The following GPR158 variants were observed in gnomAD, a reference collection of about 807,000 sequenced individuals.
GPR158 encodes metabotropic glycine receptor.
GPR158 carries 30 observed loss-of-function variants against 78.2 expected under a neutral mutation model. The observed-to-expected ratio is 0.38, with a 90% CI of 0.29 to 0.52. GPR158 has a LOEUF of 0.52. Ranked by LOEUF, GPR158 falls within the 20% of genes least tolerant of loss-of-function variation. The pLI, the probability that GPR158 is intolerant of heterozygous loss-of-function variation, is 0.83. For synonymous variants in GPR158, 581 were observed against 591.1 expected, an observed-to-expected ratio of 0.98 and a Z score of 0.25; for missense variants, 1,463 against 1,523.5, an observed-to-expected ratio of 0.96 and a Z score of 0.66.
chr10:25,345,552 G>A (rs912236501), intron 2 of GPR158, among the ~76,000 whole-genome samples: 9 of 151,882 alleles, frequency 5.9e-5, no homozygotes, highest in Non-Finnish European at 1.2e-4. Context: ...GACTAAACAT[G>A]GAGAGATACC....
chr10:25,201,459 C>A (rs1852928475), intron 1 of GPR158, among the ~76,000 whole-genome samples: 1 of 152,144 alleles, frequency 6.6e-6, no homozygotes, highest in African/African-American at 2.4e-5. Flanking sequence ...GATAGTTTCA[C>A]TTCCTCTCTT....
chr10:25,490,344 A>C (rs1206832977), intron 5 of GPR158, among the ~76,000 whole-genome samples: 1 of 149,368 alleles, frequency 6.7e-6, no homozygotes, highest in Non-Finnish European at 1.5e-5. Context: ...CACATTGTGC[A>C]GGTTAGTTAC....
intron 2 of GPR158, among the ~76,000 whole-genome samples, chr10:25,233,668 C>G (rs935463428): frequency 6.6e-6 from 1 of 152,170 alleles, no homozygotes. Context: ...TCCTGGGACC[C>G]CTGGGGGTCC....
At chr10:25,304,702 G>A (rs74126538) in intron 2 of GPR158, among the ~76,000 whole-genome samples, 30,720 of 151,834 alleles carry the variant, frequency 0.2, 5,230 homozygotes, top group African/African-American at 0.47. Context: ...GAGGATCGAC[G>A]AACTTAAGCA....
At chr10:25,377,698 G>A (rs184019652) in intron 2 of GPR158, among the ~76,000 whole-genome samples, 1 of 152,158 alleles carries the variant, frequency 6.6e-6, no homozygotes, top group Non-Finnish European at 1.5e-5. Context: ...TGTTTAGCAT[G>A]TATTAGTACT....
intron 6 of GPR158, among the ~76,000 whole-genome samples, chr10:25,567,178 C>G (rs761317531): frequency 2.0e-5 from 3 of 152,100 alleles, no homozygotes; most frequent in Non-Finnish European, 4.4e-5. Context: ...AAATCACATA[C>G]AAATGCAAAT....
chr10:25,316,748 CAAAG>C (rs1854856351), intron 2 of GPR158, among the ~76,000 whole-genome samples: 1 of 152,172 alleles, frequency 6.6e-6, no homozygotes, highest in Non-Finnish European at 1.5e-5. Flanking sequence ...TTTAAAATAT[CAAAG>C]AAAATCACAT....
intron 6 of GPR158, among the ~76,000 whole-genome samples, chr10:25,567,086 A>G (rs1836939706): frequency 6.6e-6 from 1 of 152,052 alleles, no homozygotes; most frequent in Non-Finnish European, 1.5e-5. Context: ...GATTATTCCA[A>G]TTAAGGTAAT....
intron 2 of GPR158, among the ~76,000 whole-genome samples, chr10:25,328,734 C>T (rs1855071163): frequency 6.6e-6 from 1 of 151,798 alleles, no homozygotes; most frequent in Admixed American, 6.6e-5. Context: ...CAAGACCAAC[C>T]TGGTCAACAT....
chr10:25,495,915 A>G (rs1351893760), intron 5 of GPR158, among the ~76,000 whole-genome samples: 2 of 151,834 alleles, frequency 1.3e-5, no homozygotes, highest in African/African-American at 4.8e-5. Context: ...GGGCTGAACA[A>G]CTGTTTGTTG....
At chr10:25,530,276 T>C (rs971284717) in intron 5 of GPR158, among the ~76,000 whole-genome samples, 10 of 152,242 alleles carry the variant, frequency 6.6e-5, no homozygotes, top group Non-Finnish European at 1.3e-4. Context: ...GGGCATATTT[T>C]AATGCCAGCG....
At chr10:25,236,880 C>G (rs935474642) in intron 2 of GPR158, among the ~76,000 whole-genome samples, 3 of 152,066 alleles carry the variant, frequency 2.0e-5, no homozygotes, top group Non-Finnish European at 4.4e-5. Flanking sequence ...TTCACTTTGT[C>G]AAATGTGTAT....
At chr10:25,346,645 A>G (rs1855375792) in intron 2 of GPR158, among the ~76,000 whole-genome samples, 1 of 151,832 alleles carries the variant, frequency 6.6e-6, no homozygotes, top group Non-Finnish European at 1.5e-5. Flanking sequence ...GCCATTTCTG[A>G]TATAAGTTAT....
At chr10:25,411,094 G>GT (rs199975784) in intron 3 of GPR158, among the ~76,000 whole-genome samples, 4,246 of 145,170 alleles carry the variant, frequency 0.029, 154 homozygotes, top group African/African-American at 0.079. Context: ...AGTTGTTTCT[G>GT]TTTTGTTTTT....
In GPR158 at chr10:25,572,690, C is replaced by T. The variant is rs771481056; in HGVS notation, c.1556C>T (p.Pro519Leu). Residue 519 changes from proline (P) to leucine (L), a missense_variant, in exon 7 of 11, where the codon CCA becomes CTA. By Grantham distance (98) the Pro-to-Leu change is moderately conservative. Coordinates refer to ENST00000376351, the MANE Select transcript of GPR158 (RefSeq NM_020752.3). ...VFLSRTAQRI[P>L]YMTGGRVMRM... Reference sequence around the variant, plus strand: ...CTTTCACGAACGGCTCAACGAATTCCATATATGACTGGCGGACGGGTCATG... The same window carrying T: ...CTTTCACGAACGGCTCAACGAATTCTATATATGACTGGCGGACGGGTCATG... 1.2e-6 allele frequency: 2 copies of T among 1,614,000 alleles called. No individual in the cohort carries two copies. The highest frequency in any genetic ancestry group is 1.7e-6 in the Non-Finnish European group (2 of 1,179,872).
At chr10:25,289,241 A>G (rs79188098) in intron 2 of GPR158, among the ~76,000 whole-genome samples, 2,395 of 152,246 alleles carry the variant, frequency 0.016, 85 homozygotes, top group African/African-American at 0.055. Flanking sequence ...CTACTTTCCA[A>G]TGAATTTGTG....
intron 2 of GPR158, among the ~76,000 whole-genome samples, chr10:25,340,950 A>C (rs1855294302): frequency 6.6e-6 from 1 of 151,974 alleles, no homozygotes; most frequent in Non-Finnish European, 1.5e-5. Context: ...GTGAAAACCA[A>C]ATACAATTTT....
chr10:25,470,128 T>C (rs1303119140), intron 5 of GPR158, among the ~76,000 whole-genome samples: 1 of 151,730 alleles, frequency 6.6e-6, no homozygotes, highest in Admixed American at 6.6e-5. Context: ...ATCCTTTTCC[T>C]GCACTCAATA....
At chr10:25,330,294 C>T (rs898465872) in intron 2 of GPR158, among the ~76,000 whole-genome samples, 2 of 151,960 alleles carry the variant, frequency 1.3e-5, no homozygotes, top group African/African-American at 2.4e-5. Context: ...TATAATTGTC[C>T]CCAGTGGCAA....
Sources: gnomAD v4.1 joint callset for allele counts (sites outside exome capture counted in the v4.1 genomes callset) on GRCh38, gnomAD v4.1.1 for gene constraint, MANE v1.5 for transcripts, NCBI Gene and HGNC (gene_info 2026-07-23, HGNC 2026-07-21) for gene names.